NR6A1: variants seen among roughly 807,000 people sequenced by gnomAD.
NR6A1 encodes nuclear receptor subfamily 6 group A member 1.
Under a neutral mutation model 59.1 loss-of-function variants are expected in NR6A1, and 7 were observed. The observed-to-expected ratio is 0.12, with a 90% CI of 0.07 to 0.22. NR6A1 has a LOEUF of 0.22. Ranked by LOEUF, NR6A1 falls within the 10% of genes least tolerant of loss-of-function variation. The pLI is 1.00. For synonymous variants in NR6A1, 243 were observed against 236.1 expected (o/e 1.03, Z -0.27); for missense variants, 468 against 611.6 (o/e 0.77, Z 2.48).
Position 124,637,655 on chromosome 9 carries a change from T to C in NR6A1, c.143-83085A>G, listed in dbSNP as rs562681211. The stretch of plus-strand genomic sequence containing the variant: ...CCTGTAATCCCAGCACTTTGGAAGG[T>C]CAAAGCGGGCAGATCACTTGAGTCC... On this transcript the variant is annotated intron_variant, in intron 2 of 9. Transcript: ENST00000487099. Among the ~76,000 whole-genome samples the C allele has an allele frequency of 6.0e-4, 91 of 151,858 alleles. 1 individual carries two copies. In the South Asian group the frequency reaches 0.018, roughly 31 times the overall value.
At chr9:124,624,964 A>G (rs1836192262) in intron 2 of NR6A1, among the ~76,000 whole-genome samples, 2 of 151,314 alleles carry the variant, frequency 1.3e-5, no homozygotes, top group African/African-American at 4.9e-5. Context: ...AGTCATCTGA[A>G]AACAAAATCT....
chr9:124,545,031 TC>T (rs1833557848), intron 3 of NR6A1, among the ~76,000 whole-genome samples: 1 of 152,144 alleles, frequency 6.6e-6, no homozygotes, highest in African/African-American at 2.4e-5. Flanking sequence ...TCTAGGAAGT[TC>T]CCCAGGCAGG....
intron 1 of NR6A1, among the ~76,000 whole-genome samples, chr9:124,766,454 T>G (rs989258425): frequency 6.6e-6 from 1 of 152,248 alleles, no homozygotes; most frequent in Non-Finnish European, 1.5e-5. Context: ...TATTCTTTAT[T>G]GAAATACAAG....
intron 2 of NR6A1, among the ~76,000 whole-genome samples, chr9:124,662,766 C>CA (rs973704453): frequency 2.6e-5 from 4 of 151,998 alleles, no homozygotes; most frequent in East Asian, 1.9e-4. Flanking sequence ...GCTGCTTTGT[C>CA]AAAAAAAATC....
intron 1 of NR6A1, among the ~76,000 whole-genome samples, chr9:124,738,297 T>C (rs1298865192): frequency 6.6e-6 from 1 of 152,022 alleles, no homozygotes; most frequent in Non-Finnish European, 1.5e-5. Flanking sequence ...TTAAGCTTCA[T>C]AAATAAACAA....
intron 2 of NR6A1, among the ~76,000 whole-genome samples, chr9:124,575,620 G>A (rs914402341): frequency 1.3e-5 from 2 of 152,056 alleles, no homozygotes; most frequent in Non-Finnish European, 2.9e-5. Flanking sequence ...AACATTTACT[G>A]AATGTGTCAT....
chr9:124,653,734 T>C (rs1054148233), intron 2 of NR6A1, among the ~76,000 whole-genome samples: 2 of 152,126 alleles, frequency 1.3e-5, no homozygotes, highest in African/African-American at 2.4e-5. Flanking sequence ...TTTGAGAAAT[T>C]GAAAAAATAA....
At position 124,571,772 on chromosome 9, in the gene NR6A1, T is replaced by C. The variant is rs578236516; in HGVS notation, c.143-17202A>G. On this transcript the variant is annotated intron_variant, in intron 2 of 9. Coordinates refer to ENST00000487099, the MANE Select transcript of NR6A1 (RefSeq NM_033334.4). ...ATGGCTTCAGAGGGGCTGAGAGTAG[T>C]TCCTGTGGCTCCTGATGACTCCTGC... 1.0e-3 allele frequency among the ~76,000 whole-genome samples: 152 copies of C among 152,184 alleles called. 1 individual carries two copies. The South Asian group carries it at 0.03, about 30-fold the overall frequency.
intron 2 of NR6A1, among the ~76,000 whole-genome samples, chr9:124,669,546 A>C (rs1215120887): frequency 6.6e-6 from 1 of 152,244 alleles, no homozygotes; most frequent in Non-Finnish European, 1.5e-5. Flanking sequence ...CACATGTCTC[A>C]GACTGTGGCT....
intron 2 of NR6A1, among the ~76,000 whole-genome samples, chr9:124,650,719 A>G (rs1213420606): frequency 2.6e-5 from 4 of 152,240 alleles, no homozygotes; most frequent in African/African-American, 9.7e-5. Context: ...ATACAATTAT[A>G]TATCAATTGA....
chr9:124,599,286 T>C (rs1316485613), intron 2 of NR6A1: 12 of 393,950 alleles, frequency 3.0e-5, no homozygotes, highest in Non-Finnish European at 5.7e-5. Flanking sequence ...CTACTAAAAA[T>C]ACAAAAAATA....
intron 2 of NR6A1, among the ~76,000 whole-genome samples, chr9:124,561,248 C>T (rs984753841): frequency 1.3e-5 from 2 of 152,054 alleles, no homozygotes; most frequent in African/African-American, 4.8e-5. Flanking sequence ...CCAGCCTGGG[C>T]AACCTGGCAA....
intron 1 of NR6A1, among the ~76,000 whole-genome samples, chr9:124,754,162 C>CA (rs1245728278): frequency 6.6e-6 from 1 of 152,108 alleles, no homozygotes; most frequent in Non-Finnish European, 1.5e-5. Flanking sequence ...AGTTCCAACT[C>CA]AGAGTAGGAA....
At chr9:124,526,271 A>T (rs1239599120) in intron 8 of NR6A1, among the ~76,000 whole-genome samples, 1 of 149,780 alleles carries the variant, frequency 6.7e-6, no homozygotes, top group Non-Finnish European at 1.5e-5. Context: ...GCCATGCTTG[A>T]TTGTGTGTAT....
At chr9:124,735,312 T>A (rs1467571742) in intron 1 of NR6A1, among the ~76,000 whole-genome samples, 1 of 152,212 alleles carries the variant, frequency 6.6e-6, no homozygotes, top group African/African-American at 2.4e-5. Context: ...AAAAGAGGCC[T>A]CACCAGCATT....
chr9:124,771,164 A>G lies in NR6A1; in HGVS notation c.-45T>C. ...GCGCCGGGTTTGTTGCTCCGCCATG[A>G]CCGGCGCCCTAGTCGCCGTGGTCGT... is the stretch of plus-strand genomic sequence containing the variant. On this transcript the variant is annotated 5_prime_UTR_variant, in exon 1 of 10. Coordinates refer to ENST00000487099, the MANE Select transcript of NR6A1 (RefSeq NM_033334.4). 1 of 1,086,504 alleles carries G rather than the reference A, an allele frequency of 9.2e-7. No individual in the cohort carries two copies. Among genetic ancestry groups the G allele is most frequent in the Non-Finnish European group, 1.2e-6 (1 of 855,214 alleles). 67.3% of individuals were successfully genotyped at this position (1,086,504 alleles called of 1,614,324 possible).
At chr9:124,689,927 T>C (rs536076298) in intron 2 of NR6A1, among the ~76,000 whole-genome samples, 10 of 152,322 alleles carry the variant, frequency 6.6e-5, no homozygotes, top group South Asian at 2.1e-4. Context: ...CCTAGTCAGA[T>C]AGTGGGCTCC....
intron 1 of NR6A1, among the ~76,000 whole-genome samples, chr9:124,754,475 C>G (rs1428357197): frequency 1.3e-5 from 2 of 152,152 alleles, no homozygotes; most frequent in Admixed American, 6.6e-5. Context: ...TTCAATTTGT[C>G]TCTACACTGC....
chr9:124,696,530 T>TTC (rs1387703814), intron 2 of NR6A1, among the ~76,000 whole-genome samples: 18 of 144,948 alleles, frequency 1.2e-4, no homozygotes, highest in African/African-American at 4.7e-4. Context: ...CTTTTTTTTT[T>TTC]TTTTTTTTTT....
Sources: allele counts gnomAD v4.1 joint callset (sites outside exome capture counted in the v4.1 genomes callset), GRCh38; gene constraint gnomAD v4.1.1; transcripts MANE v1.5; gene names NCBI Gene and HGNC (gene_info 2026-07-23, HGNC 2026-07-21).